The following PPM1L variants were observed in gnomAD, a reference collection of about 807,000 sequenced individuals.
PPM1L encodes protein phosphatase 1L.
Under a neutral mutation model 31.4 loss-of-function variants are expected in PPM1L, and 13 were observed. The observed-to-expected ratio is 0.41, with a 90% CI of 0.27 to 0.66. The LOEUF (loss-of-function observed/expected upper bound fraction) is 0.66, where lower values mean the gene tolerates loss of function less well. Among genes scored for constraint, PPM1L ranks in the 30% least tolerant of loss-of-function variants. The pLI is 0.29. For synonymous variants in PPM1L, 184 were observed against 175.4 expected, an observed-to-expected ratio of 1.05 and a Z score of -0.39; for missense variants, 326 against 453.7, an observed-to-expected ratio of 0.72 and a Z score of 2.56.
rs150239239 is a variant in PPM1L, at chr3:160,808,978, TGAGTA to T, written c.399+52275_399+52279del. Among the ~76,000 whole-genome samples the T allele has an allele frequency of 5.2e-3, 792 of 152,114 alleles. 13 individuals carry two copies. The highest frequency in any genetic ancestry group is 0.044 in the East Asian group (226 of 5,132). On this transcript the variant is annotated intron_variant, in intron 1 of 3. Coordinates refer to ENST00000498165, the MANE Select transcript of PPM1L (RefSeq NM_139245.4). ...TGATCTGGGAACTGATTAGATGACT[TGAGTA>T]GAGAAGTGCTGGCAGTTGCCACAGA...
At chr3:160,915,364 C>T (rs529013253) in intron 1 of PPM1L, among the ~76,000 whole-genome samples, 17 of 152,166 alleles carry the variant, frequency 1.1e-4, no homozygotes, top group African/African-American at 4.1e-4. Flanking sequence ...ACGTGAAGGA[C>T]CTCTTCAAGG....
intron 1 of PPM1L, among the ~76,000 whole-genome samples, chr3:160,808,972 ATGACT>A (rs1712726491): frequency 6.6e-6 from 1 of 151,994 alleles, no homozygotes; most frequent in African/African-American, 2.4e-5. Flanking sequence ...AACTGATTAG[ATGACT>A]TGAGTAGAGA....
intron 2 of PPM1L, among the ~76,000 whole-genome samples, chr3:161,049,763 T>G (rs1391822573): frequency 6.6e-6 from 1 of 152,216 alleles, no homozygotes; most frequent in Non-Finnish European, 1.5e-5. Context: ...CTGTTGTGAC[T>G]TGATATCTGG....
intron 1 of PPM1L, among the ~76,000 whole-genome samples, chr3:160,814,516 T>TACACACACAC (rs1576650734): frequency 4.3e-5 from 5 of 115,592 alleles, no homozygotes; most frequent in East Asian, 3.0e-4. Flanking sequence ...TGTGTATATA[T>TACACACACAC]ATACACACAC....
Position 160,961,736 on chromosome 3 carries a change from ACT to A in PPM1L, c.401_402del (p.Thr134SerfsTer3). Reference protein sequence around the residue: ...FGIFDGHGGETAAEYVKSRLP... With the variant: ...FGIFDGHGGEXAAEYVKSRLP... ...CTCTCTCTGACTGTTTTATCTGCAG[ACT>A]GCAGCTGAATATGTAAAATCTCGAC... On this transcript the variant is annotated frameshift_variant and splice_region_variant, in exon 2 of 4. Coordinates refer to ENST00000498165, the MANE Select transcript of PPM1L (RefSeq NM_139245.4). LOFTEE classifies it high-confidence loss of function. 1 of 1,573,354 alleles carries A rather than the reference ACT, an allele frequency of 6.4e-7. No individual in the cohort carries two copies. The highest frequency in any genetic ancestry group is 8.6e-7 in the Non-Finnish European group (1 of 1,165,982).
chr3:160,808,064 A>G (rs1712657919), intron 1 of PPM1L, among the ~76,000 whole-genome samples: 1 of 152,156 alleles, frequency 6.6e-6, no homozygotes, highest in Non-Finnish European at 1.5e-5. Context: ...AATCTCTTTT[A>G]GTTAATCTTT....
chr3:160,987,632 C>G (rs1485187657), intron 2 of PPM1L, among the ~76,000 whole-genome samples: 1 of 152,070 alleles, frequency 6.6e-6, no homozygotes, highest in Non-Finnish European at 1.5e-5. Flanking sequence ...GAAACATGAC[C>G]CAGGCCTTTG....
chr3:160,757,342 G>T (rs1455948401), intron 1 of PPM1L, among the ~76,000 whole-genome samples: 1 of 152,270 alleles, frequency 6.6e-6, no homozygotes, highest in Non-Finnish European at 1.5e-5. Flanking sequence ...TCTCAGAGCG[G>T]GACCTAGATG....
chr3:160,950,398 A>T (rs1226856310), intron 1 of PPM1L, among the ~76,000 whole-genome samples: 1 of 152,200 alleles, frequency 6.6e-6, no homozygotes, highest in Non-Finnish European at 1.5e-5. Context: ...GGTTACTCAC[A>T]TCACGCTAAA....
chr3:160,965,365 G>A (rs1168556850), intron 2 of PPM1L, among the ~76,000 whole-genome samples: 1 of 151,926 alleles, frequency 6.6e-6, no homozygotes, highest in East Asian at 1.9e-4. Flanking sequence ...ACTTTATGAT[G>A]GTGCAAAAGT....
At chr3:160,845,095 G>A (rs115382940) in intron 1 of PPM1L, among the ~76,000 whole-genome samples, 6,187 of 152,096 alleles carry the variant, frequency 0.041, 429 homozygotes, top group African/African-American at 0.14. Flanking sequence ...TTTCATTGCA[G>A]AATAATATTC....
At chr3:160,977,793 CT>C (rs1716648342) in intron 2 of PPM1L, among the ~76,000 whole-genome samples, 1 of 152,100 alleles carries the variant, frequency 6.6e-6, no homozygotes, top group Admixed American at 6.5e-5. Context: ...TTCTCCTAAG[CT>C]TTCTGATAAC....
intron 2 of PPM1L, among the ~76,000 whole-genome samples, chr3:160,977,231 G>A (rs998049612): frequency 6.6e-6 from 1 of 152,166 alleles, no homozygotes; most frequent in African/African-American, 2.4e-5. Context: ...GATGAAGCTG[G>A]TTTGATAAGG....
chr3:160,773,259 C>T (rs1460463052), intron 1 of PPM1L, among the ~76,000 whole-genome samples: 2 of 152,148 alleles, frequency 1.3e-5, no homozygotes, highest in African/African-American at 4.8e-5. Flanking sequence ...TGATATTGAG[C>T]ATATTTTCAT....
At chr3:160,926,335 C>T (rs1451264937) in intron 1 of PPM1L, among the ~76,000 whole-genome samples, 1 of 152,182 alleles carries the variant, frequency 6.6e-6, no homozygotes, top group Non-Finnish European at 1.5e-5. Flanking sequence ...AGTTTACAGA[C>T]AATCTAGCTA....
intron 1 of PPM1L, among the ~76,000 whole-genome samples, chr3:160,840,786 GAGGAGAGAGAGAGAGAAAGAGAGAGA>G: frequency 6.6e-6 from 1 of 151,110 alleles, no homozygotes; most frequent in South Asian, 2.1e-4. Flanking sequence ...GAGAGAGAGA[GAGGAGAGAGAGAGAGAAAGAGAGAGA>G]AGGAGAGAGA....
At chr3:160,882,915 A>C (rs1436475448) in intron 1 of PPM1L, among the ~76,000 whole-genome samples, 1 of 152,220 alleles carries the variant, frequency 6.6e-6, no homozygotes, top group Admixed American at 6.5e-5. Context: ...TTAGTCTTCA[A>C]ATTTATCCCA....
chr3:161,031,023 A>G (rs1237457304), intron 2 of PPM1L, among the ~76,000 whole-genome samples: 6 of 152,130 alleles, frequency 3.9e-5, no homozygotes, highest in African/African-American at 1.4e-4. Context: ...GGGGCCCAAA[A>G]TGGTTCACCT....
At chr3:160,779,255 G>T (rs930454476) in intron 1 of PPM1L, among the ~76,000 whole-genome samples, 1 of 152,156 alleles carries the variant, frequency 6.6e-6, no homozygotes, top group Non-Finnish European at 1.5e-5. Flanking sequence ...CTAGGTGTCA[G>T]TTCTGCTTTA....
Sources: allele counts gnomAD v4.1 joint callset (sites outside exome capture counted in the v4.1 genomes callset), GRCh38; gene constraint gnomAD v4.1.1; transcripts MANE v1.5; gene names NCBI Gene and HGNC (gene_info 2026-07-23, HGNC 2026-07-21).